SHISA9: variants seen among roughly 807,000 people sequenced by gnomAD.
SHISA9 encodes protein shisa-9.
In SHISA9, 13 loss-of-function variants were observed where a neutral mutation model predicts 38.0. That is an observed-to-expected ratio of 0.34 (90% CI 0.22 to 0.54). SHISA9 has a LOEUF of 0.54. Ranked by LOEUF, SHISA9 falls within the 20% of genes least tolerant of loss-of-function variation. SHISA9 has a pLI of 0.91. For synonymous variants in SHISA9, 275 were observed against 242.0 expected (o/e 1.14, Z -1.27); for missense variants, 538 against 575.8 (o/e 0.93, Z 0.67).
At chr16:13,342,052 C>T in the SHISA9 span, among the ~76,000 whole-genome samples, 1 of 152,186 alleles carries the variant, frequency 6.6e-6, no homozygotes, top group Admixed American at 6.5e-5. Context: ...TACCCACTTC[C>T]TCCCTACAGT....
At chr16:13,428,513 C>G in the SHISA9 span, among the ~76,000 whole-genome samples, 1 of 152,150 alleles carries the variant, frequency 6.6e-6, no homozygotes, top group Non-Finnish European at 1.5e-5. Flanking sequence ...GATCTCCAAC[C>G]TTGAAGATAG....
At chr16:13,043,682 C>CTGA (rs1484016739) in intron 2 of SHISA9, among the ~76,000 whole-genome samples, 1 of 152,198 alleles carries the variant, frequency 6.6e-6, no homozygotes, top group African/African-American at 2.4e-5. Flanking sequence ...CCTCCTTGAT[C>CTGA]TGATGCTCAG....
chr16:13,065,093 T>C (rs187334108), intron 2 of SHISA9, among the ~76,000 whole-genome samples: 1 of 152,206 alleles, frequency 6.6e-6, no homozygotes, highest in African/African-American at 2.4e-5. Flanking sequence ...ATCTTGCCTT[T>C]ATCTCCCCTA....
At chr16:13,407,692 A>G in the SHISA9 span, among the ~76,000 whole-genome samples, 1 of 152,156 alleles carries the variant, frequency 6.6e-6, no homozygotes, top group Non-Finnish European at 1.5e-5. Flanking sequence ...TCCTCTACCC[A>G]TTTATCAACA....
Position 12,989,326 on chromosome 16 carries a change from C to T in SHISA9, c.691+72511C>T, listed in dbSNP as rs112647847. On this transcript the variant is annotated intron_variant, in intron 2 of 4. Coordinates refer to ENST00000558583, the MANE Select transcript of SHISA9 (RefSeq NM_001145204.3). ...CTGAGTAGCTGGGATTACAGGTGTG[C>T]ACCACCCTGCCTGGCTAATTTTTGT... is the stretch of plus-strand genomic sequence containing the variant. 6.3e-4 allele frequency among the ~76,000 whole-genome samples: 96 copies of T among 151,980 alleles called. 1 individual carries two copies. The highest frequency in any genetic ancestry group is 1.2e-3 in the Admixed American group (18 of 15,246).
chr16:13,422,718 G>GAAAC, the SHISA9 span, among the ~76,000 whole-genome samples: 6 of 151,824 alleles, frequency 4.0e-5, no homozygotes, highest in East Asian at 1.2e-3. Flanking sequence ...CAAAAACAAA[G>GAAAC]AAACAAACAA....
At chr16:12,973,131 C>A (rs12448889) in intron 2 of SHISA9, among the ~76,000 whole-genome samples, 59,033 of 151,984 alleles carry the variant, frequency 0.39, 11,863 homozygotes, top group Middle Eastern at 0.52. Flanking sequence ...TCCGCTCCCC[C>A]CACACAAAAA....
chr16:13,221,704 T>C (rs1162013739), intron 4 of SHISA9, among the ~76,000 whole-genome samples: 1 of 152,184 alleles, frequency 6.6e-6, no homozygotes. Flanking sequence ...TTCACAGAAT[T>C]GTGCAACCAT....
intron 2 of SHISA9, among the ~76,000 whole-genome samples, chr16:13,019,292 G>T (rs867164601): frequency 1.3e-5 from 2 of 152,066 alleles, no homozygotes; most frequent in African/African-American, 4.8e-5. Flanking sequence ...GAGCCACCAC[G>T]CTTGGCCAGA....
the SHISA9 span, among the ~76,000 whole-genome samples, chr16:13,529,964 A>G: frequency 2.6e-5 from 4 of 152,216 alleles, no homozygotes; most frequent in African/African-American, 4.8e-5. Flanking sequence ...GAAGCTTACT[A>G]CAGACTTTTG....
the SHISA9 span, among the ~76,000 whole-genome samples, chr16:13,420,647 A>G: frequency 6.6e-6 from 1 of 152,198 alleles, no homozygotes; most frequent in Non-Finnish European, 1.5e-5. Context: ...AAAGAAACAG[A>G]AAAATTCATT....
At chr16:13,479,038 G>C in the SHISA9 span, among the ~76,000 whole-genome samples, 1 of 152,088 alleles carries the variant, frequency 6.6e-6, no homozygotes, top group South Asian at 2.1e-4. Context: ...TATTTTCATG[G>C]GGTGAAAATA....
chr16:13,213,894 C>T (rs2142066159), intron 4 of SHISA9, among the ~76,000 whole-genome samples: 1 of 152,272 alleles, frequency 6.6e-6, no homozygotes, highest in African/African-American at 2.4e-5. Flanking sequence ...AGGACTGGCC[C>T]TTTACATCAT....
At chr16:13,000,206 G>A (rs941159314) in intron 2 of SHISA9, among the ~76,000 whole-genome samples, 1 of 151,886 alleles carries the variant, frequency 6.6e-6, no homozygotes, top group Admixed American at 6.6e-5. Flanking sequence ...GGTGACTCTC[G>A]GGGGGACAAG....
downstream of SHISA9, among the ~76,000 whole-genome samples, chr16:13,240,785 G>A (rs1359339683): frequency 2.0e-5 from 3 of 152,144 alleles, no homozygotes; most frequent in Admixed American, 6.5e-5. Flanking sequence ...ATATTGAAAG[G>A]ATGGAAGATT....
chr16:13,514,448 AATATT>A, the SHISA9 span, among the ~76,000 whole-genome samples: 2 of 152,198 alleles, frequency 1.3e-5, no homozygotes, highest in Non-Finnish European at 1.5e-5. Flanking sequence ...ATATTAAAAG[AATATT>A]ATAAGTGTAT....
At chr16:13,390,423 C>T in the SHISA9 span, among the ~76,000 whole-genome samples, 1 of 152,178 alleles carries the variant, frequency 6.6e-6, no homozygotes, top group Admixed American at 6.5e-5. Context: ...CACTGGTTCT[C>T]TGCATCTGGG....
chr16:12,948,451 T>C (rs1043472614), intron 2 of SHISA9, among the ~76,000 whole-genome samples: 1 of 152,244 alleles, frequency 6.6e-6, no homozygotes, highest in South Asian at 2.1e-4. Context: ...CATTGTGGTG[T>C]ATTTCTGTCT....
At chr16:12,917,304 T>C (rs1022840406) in intron 2 of SHISA9, among the ~76,000 whole-genome samples, 18 of 152,230 alleles carry the variant, frequency 1.2e-4, no homozygotes, top group African/African-American at 4.3e-4. Flanking sequence ...GTCTATTCTT[T>C]GTAACGCTAG....
Sources: gnomAD v4.1 joint callset for allele counts (sites outside exome capture counted in the v4.1 genomes callset) on GRCh38, gnomAD v4.1.1 for gene constraint, MANE v1.5 for transcripts, NCBI Gene and HGNC (gene_info 2026-07-23, HGNC 2026-07-21) for gene names.